The following RAB7A variants were observed in gnomAD, a reference collection of about 807,000 sequenced individuals.
RAB7A encodes the protein ras-related protein Rab-7a.
RAB7A carries 2 observed loss-of-function variants against 24.5 expected under a neutral mutation model. The observed-to-expected ratio is 0.08, with a 90% CI of 0.03 to 0.26. The LOEUF (loss-of-function observed/expected upper bound fraction) is 0.26. RAB7A is among the 10% of genes least tolerant of loss of function. The pLI is 1.00. For missense variants in RAB7A, 118 were observed against 255.7 expected, an observed-to-expected ratio of 0.46 and a Z score of 3.67; for synonymous variants, 100 against 95.9, an observed-to-expected ratio of 1.04 and a Z score of -0.25.
At chr3:128,782,145 AT>A (rs1215909629) in intron 1 of RAB7A, among the ~76,000 whole-genome samples, 1 of 152,166 alleles carries the variant, frequency 6.6e-6, no homozygotes. Context: ...ATTTGGGAGC[AT>A]TTCCTTCTGG....
At chr3:128,787,913 A>G (rs1023102062) in intron 1 of RAB7A, among the ~76,000 whole-genome samples, 2 of 152,174 alleles carry the variant, frequency 1.3e-5, no homozygotes, top group Non-Finnish European at 2.9e-5. Flanking sequence ...GGGTTTCAAC[A>G]TGTTGCCCAG....
chr3:128,802,165 C>T (rs546372135), intron 3 of RAB7A, among the ~76,000 whole-genome samples: 5 of 152,166 alleles, frequency 3.3e-5, no homozygotes, highest in Admixed American at 1.3e-4. Context: ...TTTTTGGAAT[C>T]GTGAGTATGT....
chr3:128,755,050 A>G (rs1035744969), intron 1 of RAB7A, among the ~76,000 whole-genome samples: 3 of 152,218 alleles, frequency 2.0e-5, no homozygotes, highest in Admixed American at 2.0e-4. Flanking sequence ...CTACTCAACA[A>G]CAGAATGCAT....
At chr3:128,741,591 C>T (rs1352953145) in intron 1 of RAB7A, among the ~76,000 whole-genome samples, 1 of 151,760 alleles carries the variant, frequency 6.6e-6, no homozygotes, top group Admixed American at 6.6e-5. Context: ...ACTATGTTGC[C>T]TAGGCTGGTC....
chr3:128,812,661 G>T (rs1193099615), intron 5 of RAB7A, among the ~76,000 whole-genome samples: 1 of 152,210 alleles, frequency 6.6e-6, no homozygotes, highest in Non-Finnish European at 1.5e-5. Context: ...CCACTAAAAT[G>T]ACCATAGTCC....
intron 1 of RAB7A, among the ~76,000 whole-genome samples, chr3:128,729,498 A>T (rs1249074263): frequency 3.3e-5 from 5 of 150,066 alleles, no homozygotes; most frequent in African/African-American, 7.4e-5. Flanking sequence ...TGAACCCAGG[A>T]GGCAGGGCTT....
chr3:128,777,281 C>T (rs1368537542), intron 1 of RAB7A, among the ~76,000 whole-genome samples: 1 of 152,124 alleles, frequency 6.6e-6, no homozygotes, highest in East Asian at 1.9e-4. Context: ...ACAGCCTTGA[C>T]ATCCTGGGCT....
At chr3:128,730,558 G>A (rs2070426112) in intron 1 of RAB7A, among the ~76,000 whole-genome samples, 1 of 152,170 alleles carries the variant, frequency 6.6e-6, no homozygotes, top group African/African-American at 2.4e-5. Flanking sequence ...TTTCTTAATG[G>A]TGGTGGTCAC....
At chr3:128,758,852 T>C (rs886295749) in intron 1 of RAB7A, among the ~76,000 whole-genome samples, 2 of 152,154 alleles carry the variant, frequency 1.3e-5, no homozygotes, top group African/African-American at 4.8e-5. Context: ...TTTTATCTGT[T>C]TTTTGCTTAA....
chr3:128,790,247 A>C (rs752500934), intron 1 of RAB7A, among the ~76,000 whole-genome samples: 6 of 152,232 alleles, frequency 3.9e-5, no homozygotes, highest in Non-Finnish European at 7.3e-5. Flanking sequence ...TACCATTTGC[A>C]ACAACTCTGA....
At chr3:128,731,198 C>A in intron 1 of RAB7A, among the ~76,000 whole-genome samples, 1 of 152,078 alleles carries the variant, frequency 6.6e-6, no homozygotes, top group East Asian at 1.9e-4. Context: ...AGTTGGTTTC[C>A]ATTGAATAAG....
chr3:128,776,370 A>G (rs187109296), intron 1 of RAB7A, among the ~76,000 whole-genome samples: 3 of 152,162 alleles, frequency 2.0e-5, no homozygotes, highest in Admixed American at 2.0e-4. Context: ...CCCAGGCTCA[A>G]GTGATCCTGA....
At chr3:128,741,751 C>G (rs537693810) in intron 1 of RAB7A, among the ~76,000 whole-genome samples, 1 of 152,110 alleles carries the variant, frequency 6.6e-6, no homozygotes, top group Non-Finnish European at 1.5e-5. Flanking sequence ...GTCTTATTTG[C>G]GTCTGTTTTG....
intron 1 of RAB7A, among the ~76,000 whole-genome samples, chr3:128,792,599 A>T (rs1274033731): frequency 3.3e-5 from 5 of 150,558 alleles, no homozygotes; most frequent in African/African-American, 1.2e-4. Flanking sequence ...GTAGAGATGG[A>T]GTTTCACTAT....
intron 3 of RAB7A, among the ~76,000 whole-genome samples, chr3:128,802,176 A>C (rs2107613966): frequency 6.6e-6 from 1 of 152,316 alleles, no homozygotes; most frequent in East Asian, 1.9e-4. Context: ...GTGAGTATGT[A>C]ACTTCCAAAG....
At chr3:128,806,996 A>G (rs1933817733) in intron 4 of RAB7A, among the ~76,000 whole-genome samples, 2 of 152,230 alleles carry the variant, frequency 1.3e-5, no homozygotes, top group South Asian at 4.1e-4. Context: ...TTTCTGTTGG[A>G]AACATAGACT....
intron 1 of RAB7A, among the ~76,000 whole-genome samples, chr3:128,762,312 G>A (rs1020299695): frequency 6.6e-6 from 1 of 152,068 alleles, no homozygotes; most frequent in Non-Finnish European, 1.5e-5. Context: ...AAATTTTAAG[G>A]GTTCCTGCTA....
Position 128,743,884 on chromosome 3 carries a change from G to C in RAB7A, c.-9+17525G>C, listed in dbSNP as rs368702694. Among the ~76,000 whole-genome samples, 350 of 151,446 alleles carry C rather than the reference G, an allele frequency of 2.3e-3. 2 individuals carry two copies. The highest frequency in any genetic ancestry group is 8.3e-3 in the African/African-American group (342 of 41,216). On this transcript the variant is annotated intron_variant, in intron 1 of 5. Transcript: ENST00000265062. The stretch of plus-strand genomic sequence containing the variant: ...GGCTCACTGCAACCTCCATCTCCTG[G>C]GTTCAAGCGATTCTCCTCCTCAGCC...
chr3:128,789,694 A>G (rs1205769330), intron 1 of RAB7A, among the ~76,000 whole-genome samples: 2 of 152,172 alleles, frequency 1.3e-5, no homozygotes, highest in Non-Finnish European at 2.9e-5. Context: ...ATAGAAATTG[A>G]TAACAAAAGC....
Sources: gnomAD v4.1 joint callset for allele counts (sites outside exome capture counted in the v4.1 genomes callset) on GRCh38, gnomAD v4.1.1 for gene constraint, MANE v1.5 for transcripts, NCBI Gene and HGNC (gene_info 2026-07-23, HGNC 2026-07-21) for gene names.